The following SNTG2 variants were observed in gnomAD, a reference collection of about 807,000 sequenced individuals.
SNTG2 encodes the protein syntrophin gamma 2.
A neutral mutation model predicts 70.9 loss-of-function variants in SNTG2; 74 were observed. The ratio of observed to expected loss-of-function variants is 1.04; its 90% CI spans 0.86 to 1.27. The LOEUF is 1.27. Among genes scored for constraint, SNTG2 ranks in the 50% most tolerant of loss-of-function variants. The pLI, the probability that SNTG2 is intolerant of heterozygous loss-of-function variation, is 0.00. For synonymous variants in SNTG2, 278 were observed against 273.8 expected (o/e 1.02, Z -0.15); for missense variants, 717 against 690.7 (o/e 1.04, Z -0.43).
chr2:1,050,386 T>C (rs999519896), intron 1 of SNTG2, among the ~76,000 whole-genome samples: 1 of 152,194 alleles, frequency 6.6e-6, no homozygotes, highest in African/African-American at 2.4e-5. Flanking sequence ...TGAATTAGGG[T>C]TCAAAGTTTG....
chr2:1,327,586 G>A (rs62105570), intron 16 of SNTG2, among the ~76,000 whole-genome samples: 274 of 152,062 alleles, frequency 1.8e-3, no homozygotes, highest in Non-Finnish European at 3.0e-3. Flanking sequence ...AAATTTCATG[G>A]GACATTAGAC....
chr2:1,112,522 C>T (rs1666549872), intron 4 of SNTG2, among the ~76,000 whole-genome samples: 1 of 151,408 alleles, frequency 6.6e-6, no homozygotes, highest in African/African-American at 2.4e-5. Context: ...AGGTGTAACC[C>T]TTACAGTCCT....
At chr2:1,362,102 AAAGTCACT>A (rs1238993744) in intron 16 of SNTG2, among the ~76,000 whole-genome samples, 8 of 152,302 alleles carry the variant, frequency 5.3e-5, no homozygotes, top group South Asian at 2.1e-4. Flanking sequence ...AACTTCCATG[AAAGTCACT>A]GATGCTGAGC....
chr2:1,070,589 A>G (rs775844722), intron 1 of SNTG2, among the ~76,000 whole-genome samples: 10 of 152,204 alleles, frequency 6.6e-5, no homozygotes, highest in Non-Finnish European at 1.0e-4. Flanking sequence ...TCTTACTTAC[A>G]TGCAGCAGAT....
chr2:1,329,256 A>G (rs116563240), intron 16 of SNTG2, among the ~76,000 whole-genome samples: 1,536 of 152,248 alleles, frequency 0.01, 26 homozygotes, highest in African/African-American at 0.033. Flanking sequence ...AGAAAAGGCT[A>G]AAAAACAACA....
Position 950,995 on chromosome 2 carries a change from C to A in SNTG2, c.-2C>A, listed in dbSNP as rs766579053. 2.0e-4 allele frequency: 247 copies of A among 1,242,608 alleles called. No individual in the cohort carries two copies. The highest frequency in any genetic ancestry group is 3.1e-4 in the Middle Eastern group (1 of 3,230). The allele number at this position is 1,242,608 out of a possible 1,614,324, so 77.0% of individuals were successfully genotyped here. The stretch of plus-strand genomic sequence containing the variant: ...AGCGCGGACCCAGCCGCAGGGGCGG[C>A]GATGGGCACCGAGGGACCCCCGCCC... On this transcript the variant is annotated 5_prime_UTR_variant, in exon 1 of 17. Transcript: ENST00000308624.
At chr2:1,272,480 A>T (rs1026137776) in intron 14 of SNTG2, among the ~76,000 whole-genome samples, 3 of 151,932 alleles carry the variant, frequency 2.0e-5, no homozygotes, top group Admixed American at 2.0e-4. Flanking sequence ...AAAAAAAAAA[A>T]AAAAAGGATT....
At chr2:1,164,662 C>T (rs1258016339) in intron 6 of SNTG2, among the ~76,000 whole-genome samples, 1 of 147,662 alleles carries the variant, frequency 6.8e-6, no homozygotes, top group Admixed American at 6.7e-5. Context: ...GATACACCTG[C>T]CCTAGGAGGA....
intron 6 of SNTG2, 122 bp downstream of exon 6, chr2:1,137,931 T>C (rs1668503639): frequency 9.9e-7 from 1 of 1,008,364 alleles, no homozygotes; most frequent in Non-Finnish European, 1.5e-6. Flanking sequence ...GAAAGAAAGC[T>C]CAAAGGTTTA....
intron 1 of SNTG2, among the ~76,000 whole-genome samples, chr2:1,022,502 C>CAT (rs1553309819): frequency 6.6e-6 from 1 of 151,534 alleles, no homozygotes; most frequent in African/African-American, 2.4e-5. Flanking sequence ...CCTGAGTTCC[C>CAT]GAGTCCCTGA....
intron 2 of SNTG2, among the ~76,000 whole-genome samples, chr2:1,096,649 A>G (rs1413878068): frequency 6.6e-6 from 1 of 152,208 alleles, no homozygotes; most frequent in Non-Finnish European, 1.5e-5. Flanking sequence ...CACAGATGGC[A>G]GGATTTCCTT....
chr2:1,166,736 C>T (rs543681172), intron 7 of SNTG2, among the ~76,000 whole-genome samples: 53 of 152,316 alleles, frequency 3.5e-4, no homozygotes, highest in Middle Eastern at 3.4e-3. Flanking sequence ...CAGTACCACC[C>T]TGGCCTACCA....
intron 8 of SNTG2, among the ~76,000 whole-genome samples, chr2:1,203,868 C>CA (rs1673463489): frequency 6.6e-6 from 1 of 151,940 alleles, no homozygotes; most frequent in African/African-American, 2.4e-5. Context: ...GTACAACATT[C>CA]AAAATCCAAA....
At chr2:1,100,368 C>T (rs1286222356) in intron 4 of SNTG2, among the ~76,000 whole-genome samples, 1 of 152,188 alleles carries the variant, frequency 6.6e-6, no homozygotes, top group African/African-American at 2.4e-5. Context: ...GGGTCTCGAA[C>T]TCCTGACCTC....
intron 9 of SNTG2, among the ~76,000 whole-genome samples, chr2:1,231,493 T>C (rs542804259): frequency 4.9e-4 from 74 of 152,298 alleles, no homozygotes; most frequent in African/African-American, 1.6e-3. Context: ...TGCCCCGCAG[T>C]GTGGGTATGA....
intron 1 of SNTG2, among the ~76,000 whole-genome samples, chr2:961,423 T>C (rs1334257536): frequency 5.3e-5 from 8 of 152,172 alleles, no homozygotes; most frequent in Non-Finnish European, 1.0e-4. Context: ...AGATGAACCA[T>C]GTCTGTGAAC....
chr2:1,114,101 C>T (rs1280923187), intron 4 of SNTG2, among the ~76,000 whole-genome samples: 2 of 149,994 alleles, frequency 1.3e-5, no homozygotes, highest in African/African-American at 4.9e-5. Context: ...TGAGGGTTAA[C>T]CCTTACAGTC....
At chr2:1,247,512 CT>C in intron 12 of SNTG2, 69 bp downstream of exon 12, 4 of 1,091,518 alleles carry the variant, frequency 3.7e-6, no homozygotes, top group Non-Finnish European at 5.6e-6. Flanking sequence ...AGGGGGAAAG[CT>C]ACATCTGGTG....
intron 1 of SNTG2, among the ~76,000 whole-genome samples, chr2:1,001,444 A>G (rs542129683): frequency 2.0e-5 from 3 of 152,174 alleles, no homozygotes; most frequent in African/African-American, 7.2e-5. Context: ...TAAATGTACA[A>G]AAATCAGTAG....
Sources: gnomAD v4.1 joint callset for allele counts (sites outside exome capture counted in the v4.1 genomes callset) on GRCh38, gnomAD v4.1.1 for gene constraint, MANE v1.5 for transcripts, NCBI Gene and HGNC (gene_info 2026-07-23, HGNC 2026-07-21) for gene names.